The following ITPR1 variants were observed in gnomAD, a reference collection of about 807,000 sequenced individuals.
ITPR1 encodes inositol 1,4,5-trisphosphate receptor type 1, also known as inositol 1,4,5-trisphosphate-gated calcium channel ITPR1.
ITPR1 carries 96 observed loss-of-function variants against 318.4 expected under a neutral mutation model. That is an observed-to-expected ratio of 0.30 (90% CI 0.26 to 0.36). ITPR1 has a LOEUF of 0.36. Among genes scored for constraint, ITPR1 ranks in the 10% least tolerant of loss-of-function variants. The pLI is 1.00. For synonymous variants in ITPR1, 1,312 were observed against 1,289.9 expected, an observed-to-expected ratio of 1.02 and a Z score of -0.37; for missense variants, 2,440 against 3,460.2, an observed-to-expected ratio of 0.71 and a Z score of 7.40.
intron 10 of ITPR1, among the ~76,000 whole-genome samples, chr3:4,649,281 A>G (rs1377980249): frequency 6.6e-6 from 1 of 152,206 alleles, no homozygotes; most frequent in Non-Finnish European, 1.5e-5. Flanking sequence ...TTTATAAACA[A>G]TTTTCCACCT....
intron 6 of ITPR1, among the ~76,000 whole-genome samples, chr3:4,639,875 T>C (rs1157458283): frequency 1.3e-5 from 2 of 152,254 alleles, no homozygotes; most frequent in East Asian, 3.8e-4. Flanking sequence ...ATAAGAGCAA[T>C]TCTGTACCTT....
chr3:4,512,511 A>G (rs895519317), intron 2 of ITPR1, among the ~76,000 whole-genome samples: 7 of 152,148 alleles, frequency 4.6e-5, no homozygotes, highest in Non-Finnish European at 8.8e-5. Context: ...GGAATTAGGA[A>G]GGATAAATTA....
At chr3:4,801,740 G>C (rs1162666448) in intron 54 of ITPR1, among the ~76,000 whole-genome samples, 1 of 151,948 alleles carries the variant, frequency 6.6e-6, no homozygotes, top group Non-Finnish European at 1.5e-5. Flanking sequence ...CTCCAGCCTG[G>C]GTGACAAAGG....
At position 4,800,981 on chromosome 3, in the gene ITPR1, T is replaced by C. The variant is rs150536491; in HGVS notation, c.7107+381T>C. 2.6e-5 allele frequency among the ~76,000 whole-genome samples: 4 copies of C among 152,258 alleles called. No individual in the cohort carries two copies. The East Asian group carries it at 7.7e-4, about 29-fold the overall frequency. On this transcript the variant is annotated intron_variant, in intron 54 of 61. Transcript: ENST00000649015. ...CAAATATTAACACCGTACCCACTTC[T>C]GGAAAGGGCCACATAGAAAAGAGGG...
intron 6 of ITPR1, among the ~76,000 whole-genome samples, 193 bp from the exon 7 acceptor site, chr3:4,641,900 C>A (rs886543253): frequency 6.6e-6 from 1 of 152,206 alleles, no homozygotes; most frequent in Non-Finnish European, 1.5e-5. Flanking sequence ...GTATTCTGCC[C>A]TCTCTTTCTG....
rs375525457 is a variant in ITPR1, at chr3:4,627,010, G to A, written c.164-753G>A. On this transcript the variant is annotated intron_variant, in intron 4 of 61. Transcript: ENST00000649015. ...ATTTTTTGTATTTTTTAGTAGAGAC[G>A]GGGTTTCACCTTGTTGACCAGGCTG... is the stretch of plus-strand genomic sequence containing the variant. Among the ~76,000 whole-genome samples, 92 of 152,008 alleles carry A rather than the reference G, an allele frequency of 6.1e-4. 1 individual carries two copies. In the South Asian group the frequency reaches 0.017, roughly 27 times the overall value.
intron 60 of ITPR1, among the ~76,000 whole-genome samples, chr3:4,835,881 T>C (rs934045208): frequency 2.6e-5 from 4 of 152,118 alleles, no homozygotes; most frequent in Non-Finnish European, 5.9e-5. Flanking sequence ...ATCAAAAGGA[T>C]GGGGATGGAC....
intron 44 of ITPR1, among the ~76,000 whole-genome samples, chr3:4,742,464 C>G (rs1166834209): frequency 6.6e-6 from 1 of 152,200 alleles, no homozygotes; most frequent in Non-Finnish European, 1.5e-5. Flanking sequence ...GCGAAGTCCA[C>G]CTCACTCATC....
chr3:4,768,671 G>A lies in ITPR1; in HGVS notation c.5886G>A (p.Lys1962=), dbSNP rs767206757. The change falls in exon 46 of 62, where the codon AAG becomes AAA. Residue 1962 remains lysine, a synonymous_variant. Transcript: ENST00000649015. ...CCCAGGCCACTGCCGACAAGGCCAA[G>A]GACGACCTGGAGATGAGCGCGGTCA... ...EGTQATADKA[K]DDLEMSAVIT... is the part of the protein sequence containing the mutation. The A allele has an allele frequency of 1.2e-6, 2 of 1,613,954 alleles. No individual in the cohort carries two copies. The highest frequency in any genetic ancestry group is 3.3e-5 in the Admixed American group (2 of 60,014).
intron 5 of ITPR1, among the ~76,000 whole-genome samples, chr3:4,630,024 T>G (rs963940682): frequency 3.3e-5 from 5 of 152,148 alleles, no homozygotes; most frequent in African/African-American, 1.2e-4. Context: ...AGAGCAAATA[T>G]TATATGGCTT....
chr3:4,724,299 A>T (rs890468666), intron 40 of ITPR1: 1 of 152,274 alleles, frequency 6.6e-6, no homozygotes, highest in African/African-American at 2.4e-5. Context: ...GACAGAAATC[A>T]TTAGATTACA....
intron 55 of ITPR1, among the ~76,000 whole-genome samples, chr3:4,807,926 GCTCTCTCCCAAGAGA>G (rs1439196238): frequency 5.9e-5 from 9 of 152,204 alleles, no homozygotes; most frequent in African/African-American, 2.2e-4. Flanking sequence ...CCTGCCAAGG[GCTCTCTCCCAAGAGA>G]CAGGAGATGC....
rs68165287 is a variant in ITPR1 at position 4,601,175 on chromosome 3, C to CTTTTTTTTT, written c.164-26579_164-26571dup. On this transcript the variant is annotated intron_variant, in intron 4 of 61. Coordinates refer to ENST00000649015, the MANE Select transcript of ITPR1 (RefSeq NM_001378452.1). ...GAACAATTAAATGGGGAAAAATATT[C>CTTTTTTTTT]TTTTTTTTTTTTTTTTTGGCACTGG... Among the ~76,000 whole-genome samples, 4 of 119,746 alleles carry CTTTTTTTTT rather than the reference C, an allele frequency of 3.3e-5. 1 individual carries two copies. The highest frequency in any genetic ancestry group is 9.5e-5 in the African/African-American group (3 of 31,728). 78.6% of individuals were successfully genotyped at this position (119,746 alleles called of 152,430 possible). A position where few individuals can be genotyped will look rare whatever the true frequency, so the allele number is the denominator to read the frequency against.
intron 4 of ITPR1, among the ~76,000 whole-genome samples, chr3:4,566,649 C>T (rs1006934273): frequency 3.3e-5 from 5 of 151,150 alleles, no homozygotes; most frequent in Non-Finnish European, 5.9e-5. Flanking sequence ...CACACTGAAA[C>T]ACTCTGCAAA....
Position 4,827,171 on chromosome 3 carries a change from C to G in ITPR1, c.8028+8929C>G, listed in dbSNP as rs1383174846. Among the ~76,000 whole-genome samples the G allele has an allele frequency of 2.6e-5, 4 of 152,226 alleles. No homozygotes were observed. The East Asian group carries it at 5.8e-4, about 22-fold the overall frequency. ...ACATTTTCTCCCCACCGCCCATACC[C>G]TGACCCACCCTCCTGCTCCTGCCCC... is the stretch of plus-strand genomic sequence containing the variant. On this transcript the variant is annotated intron_variant, in intron 60 of 61. Transcript: ENST00000649015.
chr3:4,804,791 T>C (rs1043162976), intron 54 of ITPR1, among the ~76,000 whole-genome samples: 1 of 152,228 alleles, frequency 6.6e-6, no homozygotes, highest in Non-Finnish European at 1.5e-5. Context: ...TTAGCCTGTC[T>C]GAGAAAGCCA....
intron 16 of ITPR1, among the ~76,000 whole-genome samples, chr3:4,664,478 T>C (rs187749981): frequency 6.6e-6 from 1 of 152,350 alleles, no homozygotes; most frequent in African/African-American, 2.4e-5. Context: ...ACAAGGGATT[T>C]GAGATTATTT....
chr3:4,537,306 C>T (rs917621311), intron 4 of ITPR1, among the ~76,000 whole-genome samples: 2 of 152,140 alleles, frequency 1.3e-5, no homozygotes, highest in African/African-American at 2.4e-5. Context: ...ATTCACATTC[C>T]TTATGTCTTT....
chr3:4,494,719 G>A (rs2291597), intron 2 of ITPR1, among the ~76,000 whole-genome samples: 11,214 of 152,268 alleles, frequency 0.074, 843 homozygotes, highest in South Asian at 0.34. Flanking sequence ...GAGAATTGAA[G>A]GAGCCTGAAA....
Sources: gnomAD v4.1 joint callset for allele counts (sites outside exome capture counted in the v4.1 genomes callset) on GRCh38, gnomAD v4.1.1 for gene constraint, MANE v1.5 for transcripts, NCBI Gene and HGNC (gene_info 2026-07-23, HGNC 2026-07-21) for gene names.